The following ANK2 variants were observed in gnomAD, a reference collection of about 807,000 sequenced individuals.
The protein encoded by ANK2 is ankyrin 2, also known as ankyrin-2.
Under a neutral mutation model 360.5 loss-of-function variants are expected in ANK2, and 83 were observed. The ratio of observed to expected loss-of-function variants is 0.23; its 90% confidence interval spans 0.19 to 0.28. The LOEUF (loss-of-function observed/expected upper bound fraction) is 0.28. Ranked by LOEUF, ANK2 falls within the 10% of genes least tolerant of loss-of-function variation. The pLI, the probability that ANK2 is intolerant of heterozygous loss-of-function variation, is 1.00. For missense variants in ANK2, 4,201 were observed against 4,795.7 expected, an observed-to-expected ratio of 0.88 and a Z score of 3.66; for synonymous variants, 1,740 against 1,759.5, an observed-to-expected ratio of 0.99 and a Z score of 0.28.
rs45447896 is a variant in ANK2, at chr4:113,287,721, C to T, written c.2178+18C>T. ...ATACAAAGGTAAAGCAAATCACTCT[C>T]AGTATTGTGACAGGTTCTGGCTGGG... On this transcript the variant is annotated intron_variant, in intron 19 of 45. Coordinates refer to ENST00000357077, the MANE Select transcript of ANK2 (RefSeq NM_001148.6). The T allele has an allele frequency of 1.6e-3, 2,541 of 1,583,764 alleles. 23 individuals carry two copies. The African/African-American group carries it at 0.02, about 13-fold the overall frequency.
rs978277934 is a variant in ANK2 at position 113,356,642 on chromosome 4, A to G, written c.8024A>G (p.Lys2675Arg). 1 of 1,614,060 alleles carries G rather than the reference A, an allele frequency of 6.2e-7. No individual in the cohort carries two copies. Among genetic ancestry groups the G allele is most frequent in the African/African-American group, 1.3e-5 (1 of 75,026 alleles). The change falls in exon 38 of 46, where the codon AAA (lysine) becomes AGA (arginine). Residue 2675 changes from lysine to arginine, a missense_variant. This residue lies in a region of ANK2 where 2,642 missense variants were observed against 2,714.5 expected (regional missense o/e 0.97). Transcript: ENST00000357077. ...ESEPELAQLKKGADSGLLPEP... is the reference protein window; with the variant it reads ...ESEPELAQLKRGADSGLLPEP... ...GAACCTGAGTTGGCACAGCTTAAAA[A>G]AGGTGCTGACTCAGGCCTTTTACCA...
chr4:112,764,528 G>A, the ANK2 span, among the ~76,000 whole-genome samples: 7 of 151,814 alleles, frequency 4.6e-5, no homozygotes, highest in Admixed American at 2.6e-4. Context: ...TAGAGATGGG[G>A]TTTCACCATG....
chr4:112,934,492 C>T (rs905809694), intron 2 of ANK2, among the ~76,000 whole-genome samples: 2 of 152,102 alleles, frequency 1.3e-5, no homozygotes, highest in South Asian at 4.1e-4. Context: ...AATTTTTAAT[C>T]AACTTTTCTA....
chr4:112,863,617 G>A (rs1337703927), intron 1 of ANK2, among the ~76,000 whole-genome samples: 1 of 150,162 alleles, frequency 6.7e-6, no homozygotes, highest in South Asian at 2.1e-4. Flanking sequence ...CCGCCTCCCG[G>A]GTTCACGCCA....
chr4:113,288,329 C>T (rs2065773521), intron 19 of ANK2, 59 bp from the exon 20 acceptor site: 1 of 1,386,452 alleles, frequency 7.2e-7, no homozygotes, highest in Non-Finnish European at 1.0e-6. Context: ...GGGGTATTAA[C>T]CACTAGAGTA....
the ANK2 span, among the ~76,000 whole-genome samples, chr4:112,784,203 T>C: frequency 2.0e-5 from 3 of 151,964 alleles, no homozygotes; most frequent in African/African-American, 7.3e-5. Flanking sequence ...GCAGTTAATA[T>C]GCTTTTTTTT....
intron 42 of ANK2, 63 bp from the exon 43 acceptor site, chr4:113,369,451 C>T (rs2096652256): frequency 6.3e-7 from 1 of 1,574,834 alleles, no homozygotes; most frequent in Non-Finnish European, 8.7e-7. Flanking sequence ...TTTCGATTTC[C>T]TTGCTTGAGC....
intron 37 of ANK2, among the ~76,000 whole-genome samples, chr4:113,352,215 G>C (rs1021707166): frequency 1.3e-5 from 2 of 152,216 alleles, no homozygotes; most frequent in African/African-American, 4.8e-5. Context: ...CCGTGTGACT[G>C]TCTCTGACTT....
intron 26 of ANK2, among the ~76,000 whole-genome samples, chr4:113,327,985 C>CAA (rs895034160): frequency 6.6e-6 from 1 of 152,152 alleles, no homozygotes; most frequent in African/African-American, 2.4e-5. Context: ...CAGTCAGGAA[C>CAA]TTAGCTACTT....
intron 2 of ANK2, among the ~76,000 whole-genome samples, chr4:112,986,445 TTTTGTTTG>T (rs377703584): frequency 6.6e-5 from 10 of 152,014 alleles, no homozygotes; most frequent in Non-Finnish European, 1.5e-4. Flanking sequence ...AGCAGAGGGT[TTTTGTTTG>T]TTTGTTTGTT....
rs749079307 is a variant in ANK2 at position 113,356,575 on chromosome 4, G to A, written c.7957G>A (p.Val2653Ile). 2 of 1,613,992 alleles carry A rather than the reference G, an allele frequency of 1.2e-6. No homozygotes were observed. The highest frequency in any genetic ancestry group is 1.7e-6 in the Non-Finnish European group (2 of 1,179,994). Residue 2653 changes from valine (V) to isoleucine (I), a missense_variant, in exon 38 of 46, where the codon GTA (valine) becomes ATA (isoleucine). Around this residue, in one of 4 missense-constraint regions of ANK2, gnomAD observed 2,642 missense variants for 2,714.5 expected, o/e 0.97. Transcript: ENST00000357077. Reference protein sequence around the residue: ...GEDESGVPVLVTSESRKVSSS... With the variant: ...GEDESGVPVLITSESRKVSSS... ...GGATGAAAGTGGTGTCCCTGTGTTA[G>A]TAACTTCGGAGAGCAGGAAGGTGTC...
intron 9 of ANK2, among the ~76,000 whole-genome samples, chr4:113,245,430 A>G (rs1240100550): frequency 6.6e-6 from 1 of 152,218 alleles, no homozygotes; most frequent in Non-Finnish European, 1.5e-5. Context: ...AAGAAGTTTA[A>G]TTGACTCACA....
At chr4:113,020,484 G>A (rs959255394) in intron 2 of ANK2, among the ~76,000 whole-genome samples, 1 of 152,076 alleles carries the variant, frequency 6.6e-6, no homozygotes, top group African/African-American at 2.4e-5. Flanking sequence ...CGTGAGCTAT[G>A]GTGCCCAGCC....
intron 2 of ANK2, among the ~76,000 whole-genome samples, chr4:112,936,350 T>C (rs2093714317): frequency 7.4e-6 from 1 of 134,778 alleles, no homozygotes; most frequent in South Asian, 2.4e-4. Context: ...ATCATTATCC[T>C]TTTTTTTTTT....
At chr4:112,798,317 G>GTTTC in the ANK2 span, 2 of 151,850 alleles carry the variant, frequency 1.3e-5, no homozygotes, top group Non-Finnish European at 2.9e-5. Flanking sequence ...TTGAGACAGA[G>GTTTC]TTTCTCTTTT....
intron 2 of ANK2, among the ~76,000 whole-genome samples, chr4:112,915,842 A>G (rs927998146): frequency 6.6e-6 from 1 of 151,814 alleles, no homozygotes; most frequent in African/African-American, 2.4e-5. Context: ...TTCATTATTG[A>G]GGCTTTGCAA....
In ANK2 at chr4:113,111,021, T is replaced by TA. The variant is rs567730207; in HGVS notation, c.84+61214dup. On this transcript the variant is annotated intron_variant, in intron 1 of 45. Transcript: ENST00000357077. ...CCAAGCATACTGAATTCATGGTCTA[T>TA]AAAAAGTACAGAATAATAGCCCAGT... Among the ~76,000 whole-genome samples the TA allele has an allele frequency of 3.6e-3, 553 of 152,336 alleles. 7 individuals carry two copies. Among genetic ancestry groups the TA allele is most frequent in the African/African-American group, 0.013 (532 of 41,592 alleles).
At chr4:112,790,724 C>T in the ANK2 span, among the ~76,000 whole-genome samples, 3 of 152,138 alleles carry the variant, frequency 2.0e-5, no homozygotes, top group South Asian at 4.1e-4. Context: ...CTGGACTAAG[C>T]GATCCACCCA....
intron 23 of ANK2, among the ~76,000 whole-genome samples, chr4:113,307,918 G>C (rs2078043507): frequency 6.6e-6 from 1 of 152,092 alleles, no homozygotes; most frequent in Admixed American, 6.5e-5. Context: ...ACAAGAAAAA[G>C]CCAAGTCATA....
Sources: allele counts gnomAD v4.1 joint callset (sites outside exome capture counted in the v4.1 genomes callset), GRCh38; gene constraint gnomAD v4.1.1; regional missense constraint gnomAD v4.1.1; transcripts MANE v1.5; gene names NCBI Gene and HGNC (gene_info 2026-07-23, HGNC 2026-07-21).